MICU3: variants seen among roughly 807,000 people sequenced by gnomAD.
MICU3 encodes the protein mitochondrial calcium uptake 3.
A neutral mutation model predicts 66.5 loss-of-function variants in MICU3; 62 were observed. That is an observed-to-expected ratio of 0.93 (90% CI 0.76 to 1.15). The LOEUF is 1.15. MICU3 is among the 50% of genes most tolerant of loss of function. MICU3 has a pLI of 0.00. For synonymous variants in MICU3, 308 were observed against 240.7 expected, an observed-to-expected ratio of 1.28 and a Z score of -2.59; for missense variants, 779 against 664.4, an observed-to-expected ratio of 1.17 and a Z score of -1.90.
intron 1 of MICU3, among the ~76,000 whole-genome samples, chr8:17,057,623 C>G (rs1158330516): frequency 6.6e-6 from 1 of 151,914 alleles, no homozygotes; most frequent in Non-Finnish European, 1.5e-5. Flanking sequence ...TTCTATAACT[C>G]CTCTCAGTCT....
chr8:17,068,420 T>A (rs1319633272), intron 2 of MICU3, among the ~76,000 whole-genome samples: 1 of 152,212 alleles, frequency 6.6e-6, no homozygotes, highest in African/African-American at 2.4e-5. Flanking sequence ...TAAGAGCACG[T>A]GCATGTACTT....
Position 17,027,483 on chromosome 8 carries a change from C to T in MICU3, c.204C>T (p.Ser68=). The change falls in exon 1 of 15, where the codon AGC becomes AGT. Residue 68 remains serine (S), a synonymous_variant. Transcript: ENST00000318063. Reference sequence around the variant, plus strand: ...GGCGGCGGCGCTGGGGGGAGCTGAGCGTGGCGGCGGCGGCCGGCGGGGGGC... The same window carrying T: ...GGCGGCGGCGCTGGGGGGAGCTGAGTGTGGCGGCGGCGGCCGGCGGGGGGC... ...WRRRRRWGEL[S]VAAAAGGGLV... 1 of 1,282,266 alleles carries T rather than the reference C, an allele frequency of 7.8e-7. No individual in the cohort carries two copies. Among genetic ancestry groups the T allele is most frequent in the Non-Finnish European group, 9.8e-7 (1 of 1,018,814 alleles). 79.4% of individuals were successfully genotyped at this position (1,282,266 alleles called of 1,614,324 possible). A position where few individuals can be genotyped will look rare whatever the true frequency, so the allele number is the denominator to read the frequency against.
At chr8:17,087,619 G>T (rs1327208808) in intron 7 of MICU3, among the ~76,000 whole-genome samples, 5 of 152,118 alleles carry the variant, frequency 3.3e-5, no homozygotes, top group Non-Finnish European at 7.4e-5. Flanking sequence ...ATAACAAACA[G>T]GTACTAAGAC....
At chr8:17,028,736 C>G (rs185276746) in intron 1 of MICU3, among the ~76,000 whole-genome samples, 4 of 152,150 alleles carry the variant, frequency 2.6e-5, no homozygotes. Flanking sequence ...AACATAAAGT[C>G]CTTTTACACA....
intron 1 of MICU3, among the ~76,000 whole-genome samples, chr8:17,046,375 T>C (rs906821135): frequency 6.6e-6 from 1 of 152,190 alleles, no homozygotes; most frequent in Non-Finnish European, 1.5e-5. Flanking sequence ...CTGTGATGAT[T>C]GTTGTGTTGG....
At chr8:17,090,352 A>T (rs1167331665) in intron 7 of MICU3, among the ~76,000 whole-genome samples, 194 bp from the exon 8 acceptor site, 2 of 152,094 alleles carry the variant, frequency 1.3e-5, no homozygotes, top group African/African-American at 4.8e-5. Flanking sequence ...TAATTATCTG[A>T]GATTTTTAAA....
chr8:17,122,717 A>G (rs968391205), downstream of MICU3: 84 of 152,132 alleles, frequency 5.5e-4, no homozygotes, highest in African/African-American at 2.0e-3. Flanking sequence ...AACTTTGGAA[A>G]TCTTTATGGG....
intron 7 of MICU3, 32 bp from the exon 8 acceptor site, chr8:17,090,514 C>T: frequency 6.3e-7 from 1 of 1,594,062 alleles, no homozygotes; most frequent in Non-Finnish European, 8.5e-7. Context: ...TGAAATATGA[C>T]ACTTCATTTG....
chr8:17,056,258 G>A (rs1457464746), intron 1 of MICU3, among the ~76,000 whole-genome samples: 5 of 152,138 alleles, frequency 3.3e-5, no homozygotes, highest in African/African-American at 1.2e-4. Flanking sequence ...TGAATAGTGG[G>A]CTTCAGTCAA....
chr8:17,113,901 C>G (rs1250123315), intron 11 of MICU3, among the ~76,000 whole-genome samples, 192 bp from the exon 12 acceptor site: 1 of 152,102 alleles, frequency 6.6e-6, no homozygotes, highest in Non-Finnish European at 1.5e-5. Context: ...TAGCAGGCAG[C>G]ACTACCCAGT....
chr8:17,088,130 G>A (rs1799664034), intron 7 of MICU3, among the ~76,000 whole-genome samples: 1 of 151,942 alleles, frequency 6.6e-6, no homozygotes, highest in African/African-American at 2.4e-5. Flanking sequence ...TTGAATGAAA[G>A]CAGATTATCA....
At chr8:17,096,475 C>G (rs1157450982) in intron 8 of MICU3, among the ~76,000 whole-genome samples, 2 of 151,802 alleles carry the variant, frequency 1.3e-5, no homozygotes, top group Admixed American at 1.3e-4. Flanking sequence ...GTCTCCAGAA[C>G]AGTTACATAT....
chr8:17,037,508 G>A (rs1813246776), intron 1 of MICU3, among the ~76,000 whole-genome samples: 1 of 152,196 alleles, frequency 6.6e-6, no homozygotes, highest in South Asian at 2.1e-4. Flanking sequence ...GTTTCCATGT[G>A]GTGTATGGAA....
intron 1 of MICU3, among the ~76,000 whole-genome samples, chr8:17,060,373 T>A (rs563372864): frequency 1.2e-3 from 188 of 152,174 alleles, no homozygotes; most frequent in Non-Finnish European, 2.3e-3. Flanking sequence ...TTTGGTGTAC[T>A]GCAGCCTCTG....
At chr8:17,122,915 T>C (rs892505382), downstream of MICU3, among the ~76,000 whole-genome samples, 12 of 152,148 alleles carry the variant, frequency 7.9e-5, no homozygotes, top group East Asian at 1.2e-3. Flanking sequence ...AGTTTATATG[T>C]GACTTAATGG....
intron 1 of MICU3, among the ~76,000 whole-genome samples, chr8:17,030,741 A>C (rs1036546505): frequency 4.6e-5 from 7 of 152,176 alleles, no homozygotes; most frequent in African/African-American, 1.7e-4. Flanking sequence ...CTTTTAGCCC[A>C]ACTACTTACT....
intron 1 of MICU3, among the ~76,000 whole-genome samples, chr8:17,055,194 A>G (rs1435372045): frequency 1.3e-5 from 2 of 152,342 alleles, no homozygotes; most frequent in East Asian, 3.9e-4. Context: ...AAGAGATTAC[A>G]GTCTGCAGGA....
At chr8:17,107,410 G>T (rs756290065) in intron 11 of MICU3, among the ~76,000 whole-genome samples, 17 of 152,070 alleles carry the variant, frequency 1.1e-4, no homozygotes, top group Non-Finnish European at 7.4e-5. Flanking sequence ...AATGCCAAAA[G>T]GTAAAGTAAG....
chr8:17,116,378 T>C (rs1802677955), intron 12 of MICU3, 65 bp from the exon 13 acceptor site: 2 of 1,069,840 alleles, frequency 1.9e-6, no homozygotes, highest in Non-Finnish European at 2.5e-6. Flanking sequence ...ACAACCTTTC[T>C]AGTAATTAAC....
Sources: allele counts gnomAD v4.1 joint callset (sites outside exome capture counted in the v4.1 genomes callset), GRCh38; gene constraint gnomAD v4.1.1; transcripts MANE v1.5; gene names NCBI Gene and HGNC (gene_info 2026-07-23, HGNC 2026-07-21).